CFAP47: variants seen among roughly 807,000 people sequenced by gnomAD.
CFAP47 encodes cilia and flagella associated protein 47, also known as cilia- and flagella-associated protein 47.
In CFAP47, 29 loss-of-function variants were observed where a neutral mutation model predicts 148.1. The ratio of observed to expected loss-of-function variants is 0.20; its 90% CI spans 0.15 to 0.27. The LOEUF (loss-of-function observed/expected upper bound fraction) is 0.27, where lower values mean the gene tolerates loss of function less well. Ranked by LOEUF, CFAP47 falls within the 10% of genes least tolerant of loss-of-function variation. CFAP47 has a pLI of 1.00. For missense variants in CFAP47, 1,872 were observed against 1,697.5 expected (o/e 1.10, Z -1.81); for synonymous variants, 664 against 577.3 (o/e 1.15, Z -2.15).
intron 57 of CFAP47, among the ~76,000 whole-genome samples, chrX:36,331,728 C>G (rs782662622): frequency 4.7e-4 from 53 of 111,598 alleles, no homozygotes; most frequent in Non-Finnish European, 9.2e-4. Flanking sequence ...AGATGTATCA[C>G]ATTTCTGACC....
chrX:36,175,577 C>T (rs1473727133), intron 39 of CFAP47, among the ~76,000 whole-genome samples: 1 of 111,912 alleles, frequency 8.9e-6, no homozygotes, highest in Non-Finnish European at 1.9e-5. Flanking sequence ...GTCAGTCTGC[C>T]CCTGCTGGGG....
At chrX:36,042,278 T>C (rs1937414859) in intron 25 of CFAP47, among the ~76,000 whole-genome samples, 1 of 111,447 alleles carries the variant, frequency 9.0e-6, no homozygotes, top group Admixed American at 9.6e-5. Context: ...CCTAAAGCAT[T>C]TTAATAGAGA....
intron 39 of CFAP47, among the ~76,000 whole-genome samples, chrX:36,175,375 CT>C (rs1337025634): frequency 8.9e-6 from 1 of 112,079 alleles, no homozygotes; most frequent in Non-Finnish European, 1.9e-5. Flanking sequence ...GAGAGGCGCT[CT>C]GCTTTTTAGA....
chrX:35,923,412 G>A (rs13440948), intron 1 of CFAP47, among the ~76,000 whole-genome samples: 8,970 of 110,634 alleles, frequency 0.081, 921 homozygotes, highest in African/African-American at 0.28. Context: ...ATTTTTCCTG[G>A]CATCTAGCAA....
At chrX:36,203,020 T>A (rs1233101490) in intron 44 of CFAP47, among the ~76,000 whole-genome samples, 7 of 111,994 alleles carry the variant, frequency 6.3e-5, no homozygotes, top group African/African-American at 2.3e-4. Flanking sequence ...AGAAATTATT[T>A]ATTTTTTTAT....
At chrX:36,152,813 T>C (rs1939324757) in intron 37 of CFAP47, among the ~76,000 whole-genome samples, 1 of 111,671 alleles carries the variant, frequency 9.0e-6, no homozygotes, top group Non-Finnish European at 1.9e-5. Flanking sequence ...AAGATTAGTA[T>C]CTCCTACTCT....
At chrX:36,170,533 G>A (rs181911164) in intron 39 of CFAP47, among the ~76,000 whole-genome samples, 12 of 110,159 alleles carry the variant, frequency 1.1e-4, no homozygotes, top group Admixed American at 3.9e-4. Flanking sequence ...ACATATGAGC[G>A]AGAATATGCA....
intron 15 of CFAP47, among the ~76,000 whole-genome samples, chrX:35,988,025 G>A (rs190110452): frequency 6.4e-4 from 71 of 111,487 alleles, no homozygotes; most frequent in Non-Finnish European, 9.6e-4. Context: ...ATCTCGCTGG[G>A]AGCTACAGAC....
At chrX:36,108,964 C>T (rs1938509816) in intron 33 of CFAP47, among the ~76,000 whole-genome samples, 1 of 110,768 alleles carries the variant, frequency 9.0e-6, no homozygotes, top group Admixed American at 9.6e-5. Flanking sequence ...ATCCTCCACC[C>T]TCCTGTAGGC....
At chrX:36,313,027 C>T (rs1941405868) in intron 56 of CFAP47, among the ~76,000 whole-genome samples, 1 of 111,312 alleles carries the variant, frequency 9.0e-6, no homozygotes, top group African/African-American at 3.3e-5. Flanking sequence ...GCATTATCTA[C>T]GTATCTACTT....
At chrX:36,146,872 C>T (rs966952532) in intron 36 of CFAP47, among the ~76,000 whole-genome samples, 2 of 104,924 alleles carry the variant, frequency 1.9e-5, no homozygotes, top group Non-Finnish European at 3.9e-5. Context: ...CCTCTGCCTT[C>T]GCAGGTTCAA....
intron 63 of CFAP47, among the ~76,000 whole-genome samples, chrX:36,384,057 T>A (rs1942104125): frequency 8.9e-6 from 1 of 111,932 alleles, no homozygotes; most frequent in Non-Finnish European, 1.9e-5. Context: ...ATACGTACTA[T>A]GGGCTGGGTG....
intron 39 of CFAP47, among the ~76,000 whole-genome samples, chrX:36,168,335 A>T (rs969393316): frequency 3.6e-5 from 4 of 110,478 alleles, no homozygotes; most frequent in Non-Finnish European, 7.6e-5. Flanking sequence ...TTACTTCATG[A>T]TTTTCTAATT....
intron 23 of CFAP47, among the ~76,000 whole-genome samples, chrX:36,031,731 A>G: frequency 9.8e-6 from 1 of 101,880 alleles, no homozygotes; most frequent in Non-Finnish European, 2.0e-5. Flanking sequence ...GCAATAATAA[A>G]TCTGAATAAT....
intron 1 of CFAP47, among the ~76,000 whole-genome samples, chrX:35,920,475 T>A (rs1935560839): frequency 1.8e-5 from 2 of 111,913 alleles, no homozygotes; most frequent in Non-Finnish European, 3.8e-5. Flanking sequence ...ATTTCATATT[T>A]TAACAAACAT....
intron 49 of CFAP47, among the ~76,000 whole-genome samples, chrX:36,256,518 A>G (rs1940754479): frequency 8.9e-6 from 1 of 111,901 alleles, no homozygotes; most frequent in Admixed American, 9.4e-5. Flanking sequence ...TTAATAATCT[A>G]CATAGACCTC....
chrX:36,268,164 G>GTGGTGGCACCC (rs1940917119), intron 49 of CFAP47, among the ~76,000 whole-genome samples: 1 of 113,421 alleles, frequency 8.8e-6, no homozygotes, highest in African/African-American at 3.2e-5. Flanking sequence ...GCCTGGCCTT[G>GTGGTGGCACCC]GCCTCCAGGC....
intron 60 of CFAP47, among the ~76,000 whole-genome samples, chrX:36,359,069 G>A (rs1941807240): frequency 8.9e-6 from 1 of 112,164 alleles, no homozygotes. Flanking sequence ...GACGTCTCAT[G>A]TCAAGGAAAA....
At chrX:36,365,141 A>G (rs915005635) in intron 61 of CFAP47, among the ~76,000 whole-genome samples, 1 of 108,424 alleles carries the variant, frequency 9.2e-6, no homozygotes, top group Non-Finnish European at 1.9e-5. Flanking sequence ...AATAGTGGGA[A>G]TAGAGGAATA....
Sources: allele counts gnomAD v4.1 joint callset (sites outside exome capture counted in the v4.1 genomes callset), GRCh38; gene constraint gnomAD v4.1.1; transcripts MANE v1.5; gene names NCBI Gene and HGNC (gene_info 2026-07-23, HGNC 2026-07-21).